Variants in THOC1 observed in about 807,000 individuals in gnomAD.
The protein encoded by THOC1 is THO complex 1.
In THOC1, 29 loss-of-function variants were observed where a neutral mutation model predicts 97.3. That is an observed-to-expected ratio of 0.30 (90% CI 0.22 to 0.41). The LOEUF is 0.41. Ranked by LOEUF, THOC1 falls within the 10% of genes least tolerant of loss-of-function variation. The pLI is 1.00. For synonymous variants in THOC1, 255 were observed against 257.0 expected (o/e 0.99, Z 0.07); for missense variants, 529 against 761.9 (o/e 0.69, Z 3.60).
intron 11 of THOC1, among the ~76,000 whole-genome samples, chr18:241,040 T>G (rs534527530): frequency 6.6e-6 from 1 of 152,148 alleles, no homozygotes; most frequent in Admixed American, 6.5e-5. Context: ...GGTGGTAATA[T>G]GAGTGATGGA....
At chr18:231,075 T>C (rs1182680338) in intron 11 of THOC1, among the ~76,000 whole-genome samples, 1 of 152,156 alleles carries the variant, frequency 6.6e-6, no homozygotes, top group Non-Finnish European at 1.5e-5. Context: ...GTAAATGTCT[T>C]TGTATCTTGA....
intron 20 of THOC1, 62 bp downstream of exon 20, chr18:215,367 A>G: frequency 7.9e-7 from 1 of 1,261,348 alleles, no homozygotes; most frequent in Non-Finnish European, 1.2e-6. Flanking sequence ...TAATGTACCT[A>G]TCAACAAAGA....
chr18:232,178 C>G (rs1289173119), intron 11 of THOC1, among the ~76,000 whole-genome samples: 1 of 152,196 alleles, frequency 6.6e-6, no homozygotes, highest in African/African-American at 2.4e-5. Flanking sequence ...TCACTGCAGC[C>G]TTGACCTCCT....
intron 10 of THOC1, 88 bp downstream of exon 10, chr18:247,759 AGT>A (rs2143255711): frequency 1.4e-6 from 1 of 739,848 alleles, no homozygotes; most frequent in African/African-American, 1.8e-5. Context: ...AGAATTACAT[AGT>A]GAAAAGTATG....
chr18:265,026 C>T (rs769840361), intron 3 of THOC1: 3 of 353,282 alleles, frequency 8.5e-6, no homozygotes, highest in Non-Finnish European at 1.5e-5. Context: ...GTGAGAGAGC[C>T]CACCTTCACC....
At position 242,386 on chromosome 18, in the gene THOC1, G is replaced by A. The variant is rs1044121418; in HGVS notation, c.918+3938C>T. ...CCAGCTACTTGGGAGGCTGAGGCAC[G>A]AGAATCGCTTGAACCCAGGAGGTGG... On this transcript the variant is annotated intron_variant, in intron 11 of 20. Coordinates refer to ENST00000261600, the MANE Select transcript of THOC1 (RefSeq NM_005131.3). This position sits in a 1 kb window ranked among gnomAD's most constrained non-coding sequence, Gnocchi z 4.5. 1.3e-5 allele frequency among the ~76,000 whole-genome samples: 2 copies of A among 151,072 alleles called. No homozygotes were observed. The highest frequency in any genetic ancestry group is 2.1e-4 in the South Asian group (1 of 4,794).
At chr18:255,479 C>T (rs547174485) in intron 7 of THOC1, among the ~76,000 whole-genome samples, 1 of 152,302 alleles carries the variant, frequency 6.6e-6, no homozygotes, top group East Asian at 1.9e-4. Flanking sequence ...GGCTTTAACT[C>T]TCTTATTAAT....
chr18:256,814 C>A (rs1485542497), intron 7 of THOC1, among the ~76,000 whole-genome samples: 1 of 152,148 alleles, frequency 6.6e-6, no homozygotes, highest in African/African-American at 2.4e-5. Context: ...TCATGTGCTA[C>A]AGAGAAATCT....
At position 254,307 on chromosome 18, in the gene THOC1, T is replaced by C. The variant is rs1912372100; in HGVS notation, c.569A>G (p.Asn190Ser). The C allele has an allele frequency of 6.3e-7, 1 of 1,584,032 alleles. No individual in the cohort carries two copies. Among genetic ancestry groups the C allele is most frequent in the East Asian group, 2.3e-5 (1 of 43,950 alleles). The change falls in exon 8 of 21, where the codon AAT becomes AGT. Residue 190 changes from asparagine to serine, a missense_variant. By Grantham distance (46) the Asn-to-Ser change is conservative (BLOSUM62 1). This residue lies in a region of THOC1 where 92 missense variants were observed against 127.0 expected (regional missense o/e 0.72). Transcript: ENST00000261600. The surrounding 1 kb of genome is among the most constrained non-coding windows in gnomAD (Gnocchi z 4.1). Reference protein sequence around the residue: ...QFNLENVTVFNTNEQESTLGQ... With the variant: ...QFNLENVTVFSTNEQESTLGQ... ...CAGGGTGCTTTCCTGCTCATTTGTA[T>C]TGAAAACAGTGACATTTTCCAGATT...
chr18:253,785 T>C (rs1404150897), intron 8 of THOC1, among the ~76,000 whole-genome samples: 2 of 152,208 alleles, frequency 1.3e-5, no homozygotes, highest in Non-Finnish European at 2.9e-5. Context: ...AGAATAACTG[T>C]ACATTCTATC....
rs191535007 is a variant in THOC1 at position 248,899 on chromosome 18, C to T, written c.678-942G>A. 1.1e-4 allele frequency among the ~76,000 whole-genome samples: 17 copies of T among 152,078 alleles called. No homozygotes were observed. The East Asian group carries it at 1.9e-3, about 17-fold the overall frequency. On this transcript the variant is annotated intron_variant, in intron 9 of 20. Transcript: ENST00000261600. ...CTGAGTAGCTGGGACTACAGGCACC[C>T]GCCACCATGCCCGGCTAATTTTTTG... is the stretch of plus-strand genomic sequence containing the variant.
At chr18:241,178 T>C (rs1263669340) in intron 11 of THOC1, among the ~76,000 whole-genome samples, 4 of 151,784 alleles carry the variant, frequency 2.6e-5, no homozygotes, top group African/African-American at 7.3e-5. Context: ...AAAAAAAAAA[T>C]TGTAGCATAG....
intron 11 of THOC1, chr18:244,970 TGAG>T: frequency 6.6e-6 from 1 of 152,224 alleles, no homozygotes; most frequent in African/African-American, 2.4e-5. Flanking sequence ...TTCTGTGTGC[TGAG>T]TTTTGGTTTC....
intron 18 of THOC1, among the ~76,000 whole-genome samples, chr18:217,402 A>G (rs1012583873): frequency 3.9e-5 from 6 of 152,342 alleles, no homozygotes; most frequent in Admixed American, 6.5e-5. Context: ...TTCACTGTCA[A>G]TTATACACAT....
At chr18:249,803 A>G (rs777027701) in intron 9 of THOC1, among the ~76,000 whole-genome samples, 28 of 152,254 alleles carry the variant, frequency 1.8e-4, no homozygotes, top group Non-Finnish European at 3.5e-4. Context: ...ACATTTGATA[A>G]AGAATGTTTC....
intron 1 of THOC1, 26 bp from the exon 2 acceptor site, chr18:265,556 A>C (rs1437677298): frequency 6.6e-7 from 1 of 1,512,704 alleles, no homozygotes; most frequent in East Asian, 2.4e-5. Context: ...AATGGCAAAT[A>C]ATTGTAAAGA....
At chr18:246,214 A>G in intron 11 of THOC1, 110 bp downstream of exon 11, 1 of 915,122 alleles carries the variant, frequency 1.1e-6, no homozygotes, top group Non-Finnish European at 1.6e-6. Flanking sequence ...TTTAACCCAA[A>G]GTAAAATAAG....
chr18:219,480 T>C (rs1200134403), intron 17 of THOC1, among the ~76,000 whole-genome samples: 1 of 150,810 alleles, frequency 6.6e-6, no homozygotes, highest in African/African-American at 2.4e-5. Flanking sequence ...GAGGATGGCA[T>C]ATACTCTTAA....
intron 1 of THOC1, among the ~76,000 whole-genome samples, chr18:266,208 A>G (rs1912761633): frequency 6.6e-6 from 1 of 152,242 alleles, no homozygotes. Flanking sequence ...GAACACTCAC[A>G]TACACTTAGA....
Sources: gnomAD v4.1 joint callset for allele counts (sites outside exome capture counted in the v4.1 genomes callset) on GRCh38, gnomAD v4.1.1 for gene constraint, gnomAD v4.1.1 regional missense constraint, Gnocchi (gnomAD v3.1) non-coding constraint, MANE v1.5 for transcripts, NCBI Gene and HGNC (gene_info 2026-07-23, HGNC 2026-07-21) for gene names.